EBF2: variants seen among roughly 807,000 people sequenced by gnomAD.
EBF2 encodes the protein transcription factor COE2.
Under a neutral mutation model 72.8 loss-of-function variants are expected in EBF2, and 21 were observed. The ratio of observed to expected loss-of-function variants is 0.29; its 90% CI spans 0.20 to 0.42. The LOEUF is 0.42. Among genes scored for constraint, EBF2 ranks in the 10% least tolerant of loss-of-function variants. EBF2 has a pLI of 1.00. For missense variants in EBF2, 637 were observed against 731.2 expected, an observed-to-expected ratio of 0.87 and a Z score of 1.49; for synonymous variants, 299 against 274.2, an observed-to-expected ratio of 1.09 and a Z score of -0.89.
chr8:25,871,109 G>A (rs1802432606), intron 10 of EBF2, among the ~76,000 whole-genome samples: 3 of 152,120 alleles, frequency 2.0e-5, no homozygotes, highest in Non-Finnish European at 4.4e-5. Flanking sequence ...CTTCCCAACT[G>A]ACCAGTTGCT....
At chr8:25,979,572 T>C (rs1804325888) in intron 6 of EBF2, among the ~76,000 whole-genome samples, 1 of 152,230 alleles carries the variant, frequency 6.6e-6, no homozygotes, top group Non-Finnish European at 1.5e-5. Flanking sequence ...CTCCCAAACT[T>C]ACAAATTGAC....
chr8:26,013,150 G>A (rs922552983), intron 6 of EBF2, among the ~76,000 whole-genome samples: 3 of 152,190 alleles, frequency 2.0e-5, no homozygotes, highest in Non-Finnish European at 4.4e-5. Flanking sequence ...TCCAAAGGAC[G>A]TCTGACCCCA....
intron 6 of EBF2, among the ~76,000 whole-genome samples, chr8:25,957,541 T>C (rs1246943295): frequency 1.3e-5 from 2 of 152,228 alleles, no homozygotes; most frequent in East Asian, 3.9e-4. Context: ...CCTTGAGTTA[T>C]TTAACTACAT....
chr8:25,957,313 GCAAA>G (rs1039563505), intron 6 of EBF2, among the ~76,000 whole-genome samples: 18 of 152,206 alleles, frequency 1.2e-4, no homozygotes, highest in African/African-American at 4.1e-4. Context: ...AAGAGTTTCA[GCAAA>G]CAAACAAAGG....
intron 6 of EBF2, among the ~76,000 whole-genome samples, chr8:25,968,471 T>C (rs999451301): frequency 5.9e-5 from 9 of 152,206 alleles, no homozygotes; most frequent in African/African-American, 2.2e-4. Flanking sequence ...ATGAGGTTCA[T>C]AGAGCAGTCA....
intron 6 of EBF2, among the ~76,000 whole-genome samples, chr8:26,000,299 A>C (rs1351520042): frequency 1.3e-5 from 2 of 152,156 alleles, no homozygotes; most frequent in African/African-American, 4.8e-5. Flanking sequence ...TGCTAGCTAC[A>C]CCATCATCAT....
At chr8:25,893,270 CATTTTTT>C (rs1802812897) in intron 7 of EBF2, among the ~76,000 whole-genome samples, 1 of 122,738 alleles carries the variant, frequency 8.1e-6, no homozygotes. Flanking sequence ...TTAATTCTTC[CATTTTTT>C]TTTTTTTTTT....
At chr8:25,877,155 C>T (rs908354585) in intron 10 of EBF2, among the ~76,000 whole-genome samples, 1 of 152,176 alleles carries the variant, frequency 6.6e-6, no homozygotes, top group Non-Finnish European at 1.5e-5. Flanking sequence ...CCCCTAAATA[C>T]CATGCTCTGA....
intron 6 of EBF2, among the ~76,000 whole-genome samples, chr8:25,944,575 T>C (rs1784104465): frequency 6.7e-6 from 1 of 148,854 alleles, no homozygotes; most frequent in Non-Finnish European, 1.5e-5. Context: ...ATATATTGAA[T>C]ATATTACAAT....
chr8:25,919,228 C>T (rs1384600823), intron 6 of EBF2, among the ~76,000 whole-genome samples: 1 of 152,118 alleles, frequency 6.6e-6, no homozygotes, highest in African/African-American at 2.4e-5. Context: ...ATCAGCAGAG[C>T]TCAAGGTTTG....
chr8:25,889,748 C>T lies in EBF2; in HGVS notation c.751+4G>A. ...TCTGCTATGCTGAGCGCAGGCAGCC[C>T]TACCTTCCGATGGATCGAGTCTTCT... On this transcript the variant is annotated splice_donor_region_variant and intron_variant, in intron 8 of 15. Coordinates refer to ENST00000520164, the MANE Select transcript of EBF2 (RefSeq NM_022659.4). 6.2e-7 allele frequency: 1 copy of T among 1,611,678 alleles called. No homozygotes were observed. Among genetic ancestry groups the T allele is most frequent in the African/African-American group, 1.3e-5 (1 of 74,994 alleles).
rs36211488 is a variant in EBF2, at chr8:26,010,988, T to TACACACACAC, written c.551+22087_551+22096dup. Among the ~76,000 whole-genome samples, 1,091 of 150,848 alleles carry TACACACACAC rather than the reference T, an allele frequency of 7.2e-3. 9 individuals carry two copies. Among genetic ancestry groups the TACACACACAC allele is most frequent in the African/African-American group, 0.018 (753 of 41,210 alleles). On this transcript the variant is annotated intron_variant, in intron 6 of 15. Transcript: ENST00000520164. Reference sequence around the variant, plus strand: ...TTTTATATGCTTGCATATGTGTGCATACACACACACACACACACACACACA... The same window carrying TACACACACAC: ...TTTTATATGCTTGCATATGTGTGCATACACACACACACACACACACACACACACACACACA...
chr8:25,883,663 C>T (rs1176524866), intron 10 of EBF2, among the ~76,000 whole-genome samples: 2 of 152,010 alleles, frequency 1.3e-5, no homozygotes, highest in Non-Finnish European at 2.9e-5. Flanking sequence ...CACCTGGTTC[C>T]AAATGTCTAC....
chr8:25,984,367 G>T (rs1804411622), intron 6 of EBF2, among the ~76,000 whole-genome samples: 1 of 148,432 alleles, frequency 6.7e-6, no homozygotes, highest in Non-Finnish European at 1.5e-5. Flanking sequence ...ACAAGGCACA[G>T]AGCCTGAAAA....
intron 14 of EBF2, among the ~76,000 whole-genome samples, chr8:25,853,523 C>A (rs1485749123): frequency 6.6e-6 from 1 of 151,676 alleles, no homozygotes; most frequent in African/African-American, 2.4e-5. Flanking sequence ...GGCGGGGAAA[C>A]ATATAATAAT....
chr8:25,950,138 G>A (rs1803834337), intron 6 of EBF2, among the ~76,000 whole-genome samples: 1 of 152,186 alleles, frequency 6.6e-6, no homozygotes, highest in Non-Finnish European at 1.5e-5. Flanking sequence ...TCTGAAACGA[G>A]GTGCCCCACT....
At chr8:25,867,625 A>G (rs1802356901) in intron 10 of EBF2, among the ~76,000 whole-genome samples, 1 of 152,178 alleles carries the variant, frequency 6.6e-6, no homozygotes, top group African/African-American at 2.4e-5. Flanking sequence ...CCCCTGGGCA[A>G]CTTCATCAAT....
At chr8:25,857,043 A>C (rs1356350218) in intron 14 of EBF2, among the ~76,000 whole-genome samples, 2 of 152,186 alleles carry the variant, frequency 1.3e-5, no homozygotes, top group East Asian at 3.8e-4. Flanking sequence ...TGGAACAAGA[A>C]TTTCCAAAAA....
At chr8:25,913,691 G>A (rs1335832961) in intron 6 of EBF2, among the ~76,000 whole-genome samples, 1 of 152,098 alleles carries the variant, frequency 6.6e-6, no homozygotes, top group Non-Finnish European at 1.5e-5. Flanking sequence ...ACCAAGAGAG[G>A]GGATGCTGTA....
Sources: gnomAD v4.1 joint callset for allele counts (sites outside exome capture counted in the v4.1 genomes callset) on GRCh38, gnomAD v4.1.1 for gene constraint, MANE v1.5 for transcripts, NCBI Gene and HGNC (gene_info 2026-07-23, HGNC 2026-07-21) for gene names.